The following LMNTD1 variants were observed in gnomAD, a reference collection of about 807,000 sequenced individuals.
LMNTD1 encodes the protein lamin tail domain containing 1.
Under a neutral mutation model 50.9 loss-of-function variants are expected in LMNTD1, and 35 were observed. The observed-to-expected ratio is 0.69, with a 90% CI of 0.53 to 0.91. LMNTD1 has a LOEUF of 0.91. LMNTD1 is among the 40% of genes least tolerant of loss of function. The pLI, the probability that LMNTD1 is intolerant of heterozygous loss-of-function variation, is 0.00. For missense variants in LMNTD1, 470 were observed against 475.5 expected, an observed-to-expected ratio of 0.99 and a Z score of 0.11; for synonymous variants, 153 against 161.9, an observed-to-expected ratio of 0.94 and a Z score of 0.42.
intron 1 of LMNTD1, among the ~76,000 whole-genome samples, chr12:25,580,763 C>T (rs1255327743): frequency 6.6e-6 from 1 of 152,082 alleles, no homozygotes; most frequent in African/African-American, 2.4e-5. Flanking sequence ...CATGACTTTT[C>T]CTTCTTTGAA....
In LMNTD1 at chr12:25,512,254, A is replaced by G. The variant is rs79930806; in HGVS notation, c.1189+6541T>C. Among the ~76,000 whole-genome samples the G allele has an allele frequency of 3.6e-3, 556 of 152,338 alleles. 4 individuals carry two copies. The highest frequency in any genetic ancestry group is 0.013 in the African/African-American group (541 of 41,582). On this transcript the variant is annotated intron_variant, in intron 8 of 9. Coordinates refer to ENST00000458174, the MANE Select transcript of LMNTD1 (RefSeq NM_001145728.2). ...TTTGAGCTTCAACAGTTGACAGTGG[A>G]AAAATGTTTGAATTTGAAGTTAGAT...
chr12:25,545,859 T>A (rs991630671), intron 4 of LMNTD1, among the ~76,000 whole-genome samples: 1 of 151,684 alleles, frequency 6.6e-6, no homozygotes, highest in African/African-American at 2.4e-5. Flanking sequence ...ATTCAGTATG[T>A]TGTTCATGTA....
chr12:25,644,479 AACAAACAAACAT>A (rs1335536873), intron 1 of LMNTD1, among the ~76,000 whole-genome samples: 3 of 152,140 alleles, frequency 2.0e-5, no homozygotes, highest in Admixed American at 2.0e-4. Flanking sequence ...CTGTCTCAAC[AACAAACAAACAT>A]ACAAACAAAC....
chr12:25,520,141 TATAC>T (rs55812606), intron 6 of LMNTD1, 66 bp from the exon 7 acceptor site: 43,652 of 136,284 alleles, frequency 0.32, 8,051 homozygotes, highest in Non-Finnish European at 0.4. Context: ...TGTTATGAGA[TATAC>T]ATATATATAT....
chr12:25,639,647 A>T (rs1946911092), intron 1 of LMNTD1, among the ~76,000 whole-genome samples: 2 of 152,310 alleles, frequency 1.3e-5, no homozygotes, highest in Middle Eastern at 3.4e-3. Context: ...AAAGACAGAA[A>T]ATAGCAAGTC....
chr12:25,607,423 G>T (rs912254837), intron 1 of LMNTD1, among the ~76,000 whole-genome samples: 3 of 152,128 alleles, frequency 2.0e-5, no homozygotes, highest in Non-Finnish European at 4.4e-5. Context: ...TAATTGTGAT[G>T]TTAGGGTGTC....
chr12:25,520,853 C>T (rs906560133), intron 6 of LMNTD1, among the ~76,000 whole-genome samples: 3 of 152,206 alleles, frequency 2.0e-5, no homozygotes, highest in Admixed American at 2.0e-4. Flanking sequence ...TCCATACTCT[C>T]ACCAACATTT....
chr12:25,605,569 A>C (rs997313592), intron 1 of LMNTD1, among the ~76,000 whole-genome samples: 27 of 152,320 alleles, frequency 1.8e-4, no homozygotes, highest in Non-Finnish European at 3.5e-4. Context: ...ATGGCCAGCC[A>C]GTTTTCCCAG....
intron 1 of LMNTD1, chr12:25,630,670 C>G (rs1946697405): frequency 6.6e-6 from 1 of 152,234 alleles, no homozygotes; most frequent in Non-Finnish European, 1.5e-5. Flanking sequence ...CTTGAGCTTG[C>G]TGGGTCCTCA....
At position 25,503,759 on chromosome 12, in the gene LMNTD1, C is replaced by G. The variant is rs1430524415; in HGVS notation, c.*1G>C. On this transcript the variant is annotated 3_prime_UTR_variant, in exon 9 of 10. Coordinates refer to ENST00000458174, the MANE Select transcript of LMNTD1 (RefSeq NM_001145728.2). ...TTACCTTTAAAGGTTGAGTTGACTG[C>G]TTATTGCTTTTGTGACTCAGATGTC... 6.3e-7 allele frequency: 1 copy of G among 1,580,728 alleles called. No homozygotes were observed. The highest frequency in any genetic ancestry group is 8.6e-7 in the Non-Finnish European group (1 of 1,159,256).
upstream of LMNTD1, among the ~76,000 whole-genome samples, chr12:25,553,667 C>G (rs1272821790): frequency 6.6e-6 from 1 of 152,044 alleles, no homozygotes; most frequent in Non-Finnish European, 1.5e-5. Flanking sequence ...ATCATAAAAT[C>G]AAAGCCAGAA....
At chr12:25,587,188 A>AT (rs1945556221) in intron 1 of LMNTD1, among the ~76,000 whole-genome samples, 1 of 152,094 alleles carries the variant, frequency 6.6e-6, no homozygotes, top group Non-Finnish European at 1.5e-5. Flanking sequence ...TCTTGCTTCT[A>AT]TTATTGCCCC....
At chr12:25,627,701 T>C (rs930248992) in intron 1 of LMNTD1, among the ~76,000 whole-genome samples, 9 of 152,226 alleles carry the variant, frequency 5.9e-5, no homozygotes, top group Non-Finnish European at 1.3e-4. Flanking sequence ...AAGGTGCATA[T>C]GTTTATTCCA....
At chr12:25,537,672 T>A (rs1051454542) in intron 4 of LMNTD1, among the ~76,000 whole-genome samples, 15 of 152,100 alleles carry the variant, frequency 9.9e-5, no homozygotes, top group Admixed American at 9.2e-4. Context: ...GCGCCTCTCC[T>A]CCTCCAAAGG....
intron 1 of LMNTD1, among the ~76,000 whole-genome samples, chr12:25,564,413 C>A (rs1251737738): frequency 6.6e-6 from 1 of 152,140 alleles, no homozygotes; most frequent in Non-Finnish European, 1.5e-5. Context: ...TGCCCACCAC[C>A]ACGCCTGACT....
At chr12:25,537,713 G>C (rs1227647432) in intron 4 of LMNTD1, among the ~76,000 whole-genome samples, 1 of 152,206 alleles carries the variant, frequency 6.6e-6, no homozygotes, top group Non-Finnish European at 1.5e-5. Context: ...ACAGAACAAA[G>C]CTGGATGGAG....
intron 1 of LMNTD1, among the ~76,000 whole-genome samples, chr12:25,602,870 G>A (rs1264040211): frequency 6.6e-6 from 1 of 151,988 alleles, no homozygotes; most frequent in Non-Finnish European, 1.5e-5. Context: ...TGGTTTTCTT[G>A]TTTTATCTAA....
intron 1 of LMNTD1, among the ~76,000 whole-genome samples, chr12:25,605,118 ATG>A (rs1459281894): frequency 6.6e-6 from 1 of 151,888 alleles, no homozygotes; most frequent in Non-Finnish European, 1.5e-5. Flanking sequence ...GCATTTTTTC[ATG>A]TGTTTTTTGG....
chr12:25,583,583 T>C (rs1945400278), intron 1 of LMNTD1, among the ~76,000 whole-genome samples: 4 of 152,238 alleles, frequency 2.6e-5, no homozygotes, highest in Middle Eastern at 3.2e-3. Flanking sequence ...CCCCGTATCT[T>C]TTTGAATCTC....
Sources: gnomAD v4.1 joint callset for allele counts (sites outside exome capture counted in the v4.1 genomes callset) on GRCh38, gnomAD v4.1.1 for gene constraint, MANE v1.5 for transcripts, NCBI Gene and HGNC (gene_info 2026-07-23, HGNC 2026-07-21) for gene names.